Variants in PKP4 observed in about 807,000 individuals in gnomAD.
The protein encoded by PKP4 is plakophilin 4, also known as plakophilin-4.
In PKP4, 90 loss-of-function variants were observed where a neutral mutation model predicts 145.1. The ratio of observed to expected loss-of-function variants is 0.62; its 90% CI spans 0.52 to 0.74. The LOEUF is 0.74. PKP4 is among the 30% of genes least tolerant of loss of function. The pLI is 0.00. For synonymous variants in PKP4, 563 were observed against 577.2 expected, an observed-to-expected ratio of 0.98 and a Z score of 0.35; for missense variants, 1,340 against 1,482.7, an observed-to-expected ratio of 0.90 and a Z score of 1.58.
intron 15 of PKP4, among the ~76,000 whole-genome samples, chr2:158,665,117 G>A (rs1158325050): frequency 2.6e-5 from 4 of 152,230 alleles, no homozygotes; most frequent in South Asian, 2.1e-4. Context: ...TGAGATAATC[G>A]TGGCCACAGA....
chr2:158,663,089 G>A lies in PKP4; in HGVS notation c.2403+1G>A, dbSNP rs987667207. The A allele has an allele frequency of 6.3e-7, 1 of 1,594,872 alleles. No individual in the cohort carries two copies. The highest frequency in any genetic ancestry group is 1.4e-5 in the African/African-American group (1 of 73,484). On this transcript the variant is annotated splice_donor_variant, in intron 14 of 21. Coordinates refer to ENST00000389759, the MANE Select transcript of PKP4 (RefSeq NM_003628.6). LOFTEE classifies it high-confidence loss of function. ...AAAGAGGACTCCGCAAGAAGATCAA[G>A]TTAGCATTTTATTTTATATGAGACT...
In PKP4 at chr2:158,631,904, C is replaced by A. The variant is rs773979657; in HGVS notation, c.1305C>A (p.Leu435=). 2 of 1,614,062 alleles carry A rather than the reference C, an allele frequency of 1.2e-6. No homozygotes were observed. The highest frequency in any genetic ancestry group is 3.3e-5 in the Admixed American group (2 of 60,016). Residue 435 remains leucine (L), a synonymous_variant, in exon 8 of 22, where the codon CTC becomes CTA. Transcript: ENST00000389759. The part of the protein sequence containing the change: ...YRSPNHGTVE[L]QGSQTALYRT... ...GCCCAAACCATGGAACTGTGGAGCT[C>A]CAAGGATCGCAGACGGCGTTGTATC...
chr2:158,467,895 G>C (rs1420584688), intron 1 of PKP4, among the ~76,000 whole-genome samples: 2 of 152,120 alleles, frequency 1.3e-5, no homozygotes, highest in Non-Finnish European at 2.9e-5. Flanking sequence ...GATTTATAAA[G>C]TATGTGATTT....
chr2:158,668,146 C>T (rs2057268993), intron 16 of PKP4, among the ~76,000 whole-genome samples: 1 of 150,954 alleles, frequency 6.6e-6, no homozygotes, highest in Non-Finnish European at 1.5e-5. Context: ...TTCCACTGGC[C>T]TTCTGCCTCT....
intron 2 of PKP4, among the ~76,000 whole-genome samples, chr2:158,561,838 T>C (rs2046549949): frequency 6.6e-6 from 1 of 151,248 alleles, no homozygotes; most frequent in Admixed American, 6.6e-5. Context: ...GTGCACAACA[T>C]GCTGGTTTGT....
intron 2 of PKP4, among the ~76,000 whole-genome samples, chr2:158,555,429 T>C (rs1371154778): frequency 1.3e-5 from 2 of 152,202 alleles, no homozygotes; most frequent in African/African-American, 2.4e-5. Context: ...GCACTACAAA[T>C]ATAAGTGTAA....
chr2:158,485,353 G>A (rs1351680302), intron 1 of PKP4, among the ~76,000 whole-genome samples: 1 of 152,200 alleles, frequency 6.6e-6, no homozygotes, highest in Non-Finnish European at 1.5e-5. Context: ...TAACAGTTAA[G>A]TCATTCAGAA....
intron 4 of PKP4, among the ~76,000 whole-genome samples, chr2:158,615,277 A>G (rs900659933): frequency 6.6e-6 from 1 of 152,058 alleles, no homozygotes; most frequent in Admixed American, 6.6e-5. Context: ...TGTATTTTCC[A>G]TAAGCTGACT....
rs2711075 is a variant in PKP4, at chr2:158,671,310, A to G, written c.2924+1395A>G. Among the ~76,000 whole-genome samples the G allele has an allele frequency of 5.3e-5, 8 of 149,930 alleles. No homozygotes were observed. The South Asian group carries it at 1.5e-3, about 28-fold the overall frequency. On this transcript the variant is annotated intron_variant, in intron 17 of 21. Transcript: ENST00000389759. ...GAAACCACACCTATCAGCAGTAATG[A>G]TATTTCCTTTCAGTCTTTTTTTTAA... is the stretch of plus-strand genomic sequence containing the variant.
At chr2:158,599,383 A>G (rs559824257) in intron 3 of PKP4, among the ~76,000 whole-genome samples, 4 of 152,222 alleles carry the variant, frequency 2.6e-5, no homozygotes, top group Non-Finnish European at 5.9e-5. Flanking sequence ...GCCACCTGCC[A>G]TACCCTCATG....
intron 11 of PKP4, among the ~76,000 whole-genome samples, chr2:158,652,775 G>A (rs560570952): frequency 2.1e-3 from 313 of 152,326 alleles, no homozygotes; most frequent in African/African-American, 2.9e-3. Context: ...GTTCCCCAGA[G>A]CTTCAACGGG....
At chr2:158,523,594 C>T (rs1348295083) in intron 1 of PKP4, among the ~76,000 whole-genome samples, 6 of 113,850 alleles carry the variant, frequency 5.3e-5, no homozygotes, top group African/African-American at 1.8e-4. Flanking sequence ...TCCAAAGGAA[C>T]GCAGTTCCTC....
intron 11 of PKP4, among the ~76,000 whole-genome samples, chr2:158,656,805 T>C (rs2055989861): frequency 6.6e-6 from 1 of 152,198 alleles, no homozygotes; most frequent in African/African-American, 2.4e-5. Context: ...CCTTGGCTTC[T>C]ACATCCCCTT....
intron 16 of PKP4, 144 bp from the exon 17 acceptor site, chr2:158,669,576 T>C: frequency 2.0e-6 from 1 of 506,490 alleles, no homozygotes; most frequent in Non-Finnish European, 3.3e-6. Flanking sequence ...CTTTTCTTCT[T>C]TGCCATGGGT....
At chr2:158,656,371 A>T (rs1365698639) in intron 11 of PKP4, among the ~76,000 whole-genome samples, 1 of 151,900 alleles carries the variant, frequency 6.6e-6, no homozygotes, top group East Asian at 1.9e-4. Context: ...TTCTAACGGG[A>T]CCCTAGCTTT....
At chr2:158,615,844 T>C (rs1445309209) in intron 4 of PKP4, among the ~76,000 whole-genome samples, 1 of 152,202 alleles carries the variant, frequency 6.6e-6, no homozygotes, top group Non-Finnish European at 1.5e-5. Flanking sequence ...TTCCGAGGCC[T>C]TTTTATACAA....
At chr2:158,522,530 G>A (rs539347799) in intron 1 of PKP4, among the ~76,000 whole-genome samples, 123 of 152,288 alleles carry the variant, frequency 8.1e-4, no homozygotes, top group African/African-American at 2.8e-3. Context: ...ATGCACAGCT[G>A]TCCATAGTGA....
chr2:158,658,006 C>CA, intron 11 of PKP4, 125 bp from the exon 12 acceptor site: 6 of 642,238 alleles, frequency 9.3e-6, no homozygotes, highest in Non-Finnish European at 1.6e-5. Flanking sequence ...ACCCTGGTTG[C>CA]AAATATAGGC....
intron 1 of PKP4, among the ~76,000 whole-genome samples, chr2:158,521,454 A>G (rs2042366590): frequency 2.0e-5 from 3 of 152,202 alleles, no homozygotes; most frequent in Admixed American, 2.0e-4. Context: ...ACATTTAACT[A>G]CTATGCATAG....
Sources: allele counts gnomAD v4.1 joint callset (sites outside exome capture counted in the v4.1 genomes callset), GRCh38; gene constraint gnomAD v4.1.1; transcripts MANE v1.5; gene names NCBI Gene and HGNC (gene_info 2026-07-23, HGNC 2026-07-21).